The following RAF1 variants were observed in gnomAD, a reference collection of about 807,000 sequenced individuals.
RAF1 encodes the protein RAF proto-oncogene serine/threonine-protein kinase.
Under a neutral mutation model 81.1 loss-of-function variants are expected in RAF1, and 27 were observed. The ratio of observed to expected loss-of-function variants is 0.33; its 90% CI spans 0.25 to 0.46. The LOEUF is 0.46. RAF1 is among the 20% of genes least tolerant of loss of function. The probability of loss-of-function intolerance (pLI) is 1.00; values close to 1 mark genes in which losing one functional copy is unlikely to be tolerated. For missense variants in RAF1, 598 were observed against 826.0 expected, an observed-to-expected ratio of 0.72 and a Z score of 3.38; for synonymous variants, 298 against 294.0, an observed-to-expected ratio of 1.01 and a Z score of -0.14.
chr3:12,587,671 T>G, intron 13 of RAF1, 34 bp from the exon 13 acceptor site: 4 of 1,559,840 alleles, frequency 2.6e-6, no homozygotes, highest in Non-Finnish European at 3.5e-6. Flanking sequence ...AAAAATAAGT[T>G]TGAGGGGCAT....
At chr3:12,648,606 G>A (rs569417543) in intron 1 of RAF1, among the ~76,000 whole-genome samples, 172 of 152,208 alleles carry the variant, frequency 1.1e-3, no homozygotes, top group African/African-American at 3.0e-3. Context: ...TATATTAGCC[G>A]GATGTGGTGG....
chr3:12,615,973 A>G (rs971257038), intron 2 of RAF1, among the ~76,000 whole-genome samples: 1 of 151,966 alleles, frequency 6.6e-6, no homozygotes, highest in African/African-American at 2.4e-5. Flanking sequence ...AATCGCTTGA[A>G]CCTGGGAGGT....
At chr3:12,594,147 A>G (rs892606216) in intron 11 of RAF1, among the ~76,000 whole-genome samples, 2 of 152,154 alleles carry the variant, frequency 1.3e-5, no homozygotes, top group South Asian at 4.1e-4. Flanking sequence ...CTGCTGCAAT[A>G]GCTCAGGAAA....
At position 12,586,372 on chromosome 3, in the gene RAF1, A is replaced by T. The variant is rs960453508; in HGVS notation, c.1478-573T>A. On this transcript the variant is annotated intron_variant, in intron 14 of 17. Transcript: ENST00000442415. The stretch of plus-strand genomic sequence containing the variant: ...GAAGTCGGCTCGCTTCTGGGTAAAG[A>T]AGTCATACAGTTTAAGTCAAACTTG... 2.6e-5 allele frequency among the ~76,000 whole-genome samples: 4 copies of T among 152,238 alleles called. No individual in the cohort carries two copies. The East Asian group carries it at 7.7e-4, about 29-fold the overall frequency.
rs761947194 is a variant in RAF1 at position 12,599,692 on chromosome 3, G to A, written c.1167C>T (p.His389=). The A allele has an allele frequency of 3.6e-5, 58 of 1,612,276 alleles. No homozygotes were observed. Among genetic ancestry groups the A allele is most frequent in the Middle Eastern group, 1.6e-4 (1 of 6,074 alleles). The change falls in exon 11 of 18, where the codon CAC becomes CAT. Residue 389 remains histidine (H), a splice_region_variant and synonymous_variant. Transcript: ENST00000442415. ...GTAAAGGGAGGGCCCCAAGCTTACC[G>A]TGCCATTTACCCTTATAAACAGTTC...
intron 8 of RAF1, among the ~76,000 whole-genome samples, 170 bp from the exon 8 acceptor site, chr3:12,600,585 A>G (rs573763142): frequency 4.3e-4 from 66 of 152,338 alleles, no homozygotes; most frequent in African/African-American, 1.2e-3. Context: ...AATTCAGCAA[A>G]TATCAGTGGC....
At chr3:12,592,368 T>C (rs2058542639) in intron 11 of RAF1, among the ~76,000 whole-genome samples, 1 of 152,178 alleles carries the variant, frequency 6.6e-6, no homozygotes, top group Non-Finnish European at 1.5e-5. Context: ...TAGTAAAAAT[T>C]CAGAGATATA....
chr3:12,627,978 G>A (rs528891824), intron 1 of RAF1, among the ~76,000 whole-genome samples: 230 of 152,298 alleles, frequency 1.5e-3, no homozygotes, highest in African/African-American at 5.3e-3. Context: ...AAATTAGCCG[G>A]GTGTGATGGC....
intron 1 of RAF1, among the ~76,000 whole-genome samples, chr3:12,660,711 T>C (rs932732602): frequency 6.6e-6 from 1 of 152,206 alleles, no homozygotes; most frequent in Non-Finnish European, 1.5e-5. Context: ...GCACAGTGGC[T>C]CACGCCTGTA....
chr3:12,609,619 A>G (rs1193371854), intron 3 of RAF1, among the ~76,000 whole-genome samples: 3 of 152,200 alleles, frequency 2.0e-5, no homozygotes, highest in African/African-American at 4.8e-5. Flanking sequence ...CCATGTTCTC[A>G]GAATAAAGTT....
At chr3:12,606,827 G>T (rs1450688059) in intron 5 of RAF1, among the ~76,000 whole-genome samples, 1 of 152,018 alleles carries the variant, frequency 6.6e-6, no homozygotes, top group Non-Finnish European at 1.5e-5. Flanking sequence ...TTAACATTAG[G>T]TGTCTCTCCT....
At chr3:12,637,943 T>C (rs1455225524) in intron 1 of RAF1, among the ~76,000 whole-genome samples, 1 of 152,280 alleles carries the variant, frequency 6.6e-6, no homozygotes, top group Admixed American at 6.5e-5. Context: ...ATTCTTTAAC[T>C]GTGACCTACA....
At chr3:12,601,032 C>T (rs1000779513) in intron 8 of RAF1, among the ~76,000 whole-genome samples, 11 of 152,188 alleles carry the variant, frequency 7.2e-5, no homozygotes, top group Non-Finnish European at 7.4e-5. Context: ...TTTTAAAAAG[C>T]CAGGGTGGGG....
intron 10 of RAF1, 30 bp downstream of exon 9, chr3:12,600,122 T>C (rs370665546): frequency 2.4e-5 from 39 of 1,613,644 alleles, no homozygotes; most frequent in Non-Finnish European, 3.0e-5. Context: ...TGAACCCTAA[T>C]TGGCAGGAGG....
At chr3:12,653,314 T>G (rs1559490800) in intron 1 of RAF1, among the ~76,000 whole-genome samples, 1 of 152,096 alleles carries the variant, frequency 6.6e-6, no homozygotes, top group Non-Finnish European at 1.5e-5. Context: ...CAAACTATAT[T>G]ACTACAGTAA....
intron 1 of RAF1, among the ~76,000 whole-genome samples, chr3:12,626,331 A>G (rs2059701993): frequency 6.6e-6 from 1 of 151,926 alleles, no homozygotes; most frequent in African/African-American, 2.4e-5. Flanking sequence ...TCTCACCTGC[A>G]AATCCCAGGA....
rs1553613998 is a variant in RAF1, at chr3:12,605,250, A to ATATGTGTGTGTGTGTGTGTG, written c.680+950_680+951insCACACACACACACACACATA. Among the ~76,000 whole-genome samples, 627 of 144,608 alleles carry ATATGTGTGTGTGTGTGTGTG rather than the reference A, an allele frequency of 4.3e-3. 4 individuals carry two copies. Among genetic ancestry groups the ATATGTGTGTGTGTGTGTGTG allele is most frequent in the African/African-American group, 0.014 (538 of 38,778 alleles). 94.9% of individuals were successfully genotyped at this position (144,608 alleles called of 152,430 possible). ...ATTAAACATTATCTGATTACACATT[A>ATATGTGTGTGTGTGTGTGTG]TGTGTGTGTGTGTGTGTGTGTGTGT... On this transcript the variant is annotated intron_variant, in intron 6 of 17. Transcript: ENST00000442415.
At chr3:12,658,344 T>A (rs747201028) in intron 1 of RAF1, among the ~76,000 whole-genome samples, 4 of 152,246 alleles carry the variant, frequency 2.6e-5, no homozygotes, top group Non-Finnish European at 5.9e-5. Flanking sequence ...GGCTCACGCC[T>A]GTAATCCCAG....
At chr3:12,612,099 C>CT in intron 2 of RAF1, 37 bp from the exon 3 acceptor site, 6 of 1,522,450 alleles carry the variant, frequency 3.9e-6, no homozygotes, top group Non-Finnish European at 5.5e-6. Context: ...CCAACACAGG[C>CT]TGCAGCACCC....
Sources: gnomAD v4.1 joint callset for allele counts (sites outside exome capture counted in the v4.1 genomes callset) on GRCh38, gnomAD v4.1.1 for gene constraint, MANE v1.5 for transcripts, NCBI Gene and HGNC (gene_info 2026-07-23, HGNC 2026-07-21) for gene names.